The following STX8 variants were observed in gnomAD, a reference collection of about 807,000 sequenced individuals.
The protein encoded by STX8 is syntaxin 8.
Under a neutral mutation model 37.5 loss-of-function variants are expected in STX8, and 23 were observed. The ratio of observed to expected loss-of-function variants is 0.61; its 90% confidence interval spans 0.44 to 0.87. The LOEUF is 0.87. Ranked by LOEUF, STX8 falls within the 40% of genes least tolerant of loss-of-function variation. The pLI, the probability that STX8 is intolerant of heterozygous loss-of-function variation, is 0.00. For synonymous variants in STX8, 115 were observed against 99.1 expected (o/e 1.16, Z -0.95); for missense variants, 313 against 284.7 (o/e 1.10, Z -0.71).
chr17:9,288,140 CAAAAAAA>C (rs60385667), intron 7 of STX8, among the ~76,000 whole-genome samples: 1 of 61,532 alleles, frequency 1.6e-5, no homozygotes, highest in East Asian at 5.8e-4. Flanking sequence ...AACAAACAAA[CAAAAAAA>C]AAAAAAACCA....
At chr17:9,568,573 T>C (rs1374150803) in intron 1 of STX8, 103 bp from the exon 2 acceptor site, 1 of 875,254 alleles carries the variant, frequency 1.1e-6, no homozygotes, top group African/African-American at 1.7e-5. Context: ...CGATCTCAGC[T>C]CACTGCAAGC....
intron 6 of STX8, among the ~76,000 whole-genome samples, chr17:9,443,350 A>C (rs908756025): frequency 6.6e-6 from 1 of 152,164 alleles, no homozygotes; most frequent in African/African-American, 2.4e-5. Flanking sequence ...AAGCATCTAC[A>C]ATGTACCTAC....
intron 7 of STX8, among the ~76,000 whole-genome samples, chr17:9,265,894 G>C (rs1907214993): frequency 6.6e-6 from 1 of 152,188 alleles, no homozygotes; most frequent in Non-Finnish European, 1.5e-5. Flanking sequence ...AAGGCGGTAA[G>C]TGCTAGAAAG....
chr17:9,551,047 A>C (rs766799465), intron 3 of STX8, among the ~76,000 whole-genome samples: 5 of 152,168 alleles, frequency 3.3e-5, no homozygotes, highest in Non-Finnish European at 5.9e-5. Context: ...TGTGCTCCAG[A>C]CTGGGCAACA....
intron 7 of STX8, among the ~76,000 whole-genome samples, chr17:9,278,032 C>A (rs996767522): frequency 2.6e-5 from 4 of 152,104 alleles, no homozygotes; most frequent in African/African-American, 9.7e-5. Flanking sequence ...GGAGACTGGA[C>A]CGGAGGGTAT....
At chr17:9,441,441 T>G (rs12952230) in intron 6 of STX8, among the ~76,000 whole-genome samples, 150,459 of 150,460 alleles carry the variant, frequency 1, 75,229 homozygotes, top group Middle Eastern at 1. Context: ...AGTGAGCCGA[T>G]GTTGCACCAC....
chr17:9,402,131 TG>T (rs371497442), intron 6 of STX8, among the ~76,000 whole-genome samples: 11 of 151,630 alleles, frequency 7.3e-5, no homozygotes, highest in East Asian at 5.8e-4. Flanking sequence ...TATTATTATT[TG>T]TTTTTAGACA....
chr17:9,437,375 C>A (rs4791837), intron 6 of STX8, among the ~76,000 whole-genome samples: 151,601 of 152,310 alleles, frequency 1, 75,455 homozygotes, highest in East Asian at 1. Context: ...GGAAGATCCA[C>A]CTACAAATAT....
intron 4 of STX8, among the ~76,000 whole-genome samples, chr17:9,506,212 C>T (rs1377752604): frequency 6.6e-6 from 1 of 152,088 alleles, no homozygotes; most frequent in East Asian, 1.9e-4. Flanking sequence ...CTCCTCTCCT[C>T]TCCCCACCTG....
intron 7 of STX8, among the ~76,000 whole-genome samples, chr17:9,370,148 G>A (rs1454081299): frequency 6.6e-6 from 1 of 152,000 alleles, no homozygotes; most frequent in African/African-American, 2.4e-5. Flanking sequence ...TCAGGAGGCG[G>A]AGGTTGCAGT....
intron 6 of STX8, among the ~76,000 whole-genome samples, chr17:9,423,472 T>A (rs1225758436): frequency 5.9e-5 from 9 of 152,114 alleles, no homozygotes; most frequent in Non-Finnish European, 1.5e-5. Flanking sequence ...ATTACAGGCA[T>A]GCGCCACCAT....
Position 9,275,378 on chromosome 17 carries a change from GCT to G in STX8, c.644-24735_644-24734del, listed in dbSNP as rs1159495279. Among the ~76,000 whole-genome samples, 8 of 152,268 alleles carry G rather than the reference GCT, an allele frequency of 5.3e-5. No individual in the cohort carries two copies. In the East Asian group the frequency reaches 1.5e-3, roughly 29 times the overall value. ...TTCACTGACGCAGGGAGACATCGCTGCTCTCTGTCTCTCCTTTAGTGCCTTCT... is the reference window on the plus strand; with the variant it reads ...TTCACTGACGCAGGGAGACATCGCTGCTCTGTCTCTCCTTTAGTGCCTTCT... On this transcript the variant is annotated intron_variant, in intron 7 of 7. Transcript: ENST00000306357.
In STX8 at chr17:9,353,560, T is replaced by C. The variant is rs542767266; in HGVS notation, c.643+24992A>G. ...TTACTTTTCTCATTCACATTCACTA[T>C]TTATCTCCCTAGTTCCCAATAACAT... On this transcript the variant is annotated intron_variant, in intron 7 of 7. Transcript: ENST00000306357. Among the ~76,000 whole-genome samples, 21 of 152,328 alleles carry C rather than the reference T, an allele frequency of 1.4e-4. 1 individual carries two copies. In the South Asian group the frequency reaches 4.1e-3, roughly 30 times the overall value.
At chr17:9,424,321 C>T (rs770849323) in intron 6 of STX8, among the ~76,000 whole-genome samples, 1 of 151,946 alleles carries the variant, frequency 6.6e-6, no homozygotes, top group Non-Finnish European at 1.5e-5. Context: ...GGTTTTGGGT[C>T]CCTGCAAGAT....
At chr17:9,269,033 A>C (rs559023065) in intron 7 of STX8, among the ~76,000 whole-genome samples, 133 of 152,128 alleles carry the variant, frequency 8.7e-4, no homozygotes, top group African/African-American at 3.1e-3. Flanking sequence ...TAAAAATACA[A>C]AAAATTAGCT....
intron 7 of STX8, among the ~76,000 whole-genome samples, chr17:9,285,143 A>G (rs898112437): frequency 6.6e-6 from 1 of 152,102 alleles, no homozygotes; most frequent in East Asian, 1.9e-4. Context: ...AAATCTGGAC[A>G]CTATGGATAA....
intron 4 of STX8, among the ~76,000 whole-genome samples, chr17:9,508,652 T>G (rs950455959): frequency 6.6e-6 from 1 of 152,136 alleles, no homozygotes; most frequent in Non-Finnish European, 1.5e-5. Flanking sequence ...TGAAGACAGA[T>G]CTTGTGAAAT....
At chr17:9,302,668 TG>T (rs1382473296) in intron 7 of STX8, among the ~76,000 whole-genome samples, 1 of 152,126 alleles carries the variant, frequency 6.6e-6, no homozygotes, top group Non-Finnish European at 1.5e-5. Context: ...GCCCATGACC[TG>T]GCTTTGACCA....
intron 7 of STX8, among the ~76,000 whole-genome samples, chr17:9,356,806 C>T (rs1910892795): frequency 6.6e-6 from 1 of 152,142 alleles, no homozygotes; most frequent in African/African-American, 2.4e-5. Context: ...GCATCTCTAG[C>T]ACTGGCTGAG....
Sources: gnomAD v4.1 joint callset for allele counts (sites outside exome capture counted in the v4.1 genomes callset) on GRCh38, gnomAD v4.1.1 for gene constraint, MANE v1.5 for transcripts, NCBI Gene and HGNC (gene_info 2026-07-23, HGNC 2026-07-21) for gene names.